FTO: variants seen among roughly 807,000 people sequenced by gnomAD.
The protein encoded by FTO is alpha-ketoglutarate-dependent dioxygenase FTO.
FTO carries 47 observed loss-of-function variants against 63.9 expected under a neutral mutation model. That is an observed-to-expected ratio of 0.74 (90% CI 0.58 to 0.94). FTO has a LOEUF of 0.94. FTO is among the 40% of genes least tolerant of loss of function. The probability of loss-of-function intolerance (pLI) is 0.00; values close to 1 mark genes in which losing one functional copy is unlikely to be tolerated. For synonymous variants in FTO, 207 were observed against 224.4 expected, an observed-to-expected ratio of 0.92 and a Z score of 0.69; for missense variants, 562 against 618.1, an observed-to-expected ratio of 0.91 and a Z score of 0.96.
intron 1 of FTO, among the ~76,000 whole-genome samples, chr16:53,734,140 T>G (rs2076334921): frequency 6.6e-6 from 1 of 152,280 alleles, no homozygotes; most frequent in African/African-American, 2.4e-5. Flanking sequence ...GGAAATTCTC[T>G]GCCAGACCTT....
At chr16:53,723,497 C>T (rs992598756) in intron 1 of FTO, among the ~76,000 whole-genome samples, 2 of 152,166 alleles carry the variant, frequency 1.3e-5, no homozygotes, top group Non-Finnish European at 2.9e-5. Context: ...TGGGTCAGCT[C>T]ATACTTCTAA....
chr16:53,861,140 TA>T (rs751437240), intron 4 of FTO, among the ~76,000 whole-genome samples: 5 of 152,208 alleles, frequency 3.3e-5, no homozygotes, highest in Non-Finnish European at 7.4e-5. Flanking sequence ...AACATCTTTG[TA>T]CATATATCTT....
chr16:54,050,379 T>C (rs2085284163), intron 8 of FTO, among the ~76,000 whole-genome samples: 1 of 152,200 alleles, frequency 6.6e-6, no homozygotes, highest in Non-Finnish European at 1.5e-5. Flanking sequence ...GAGATCAGCT[T>C]CTTTGAAAAA....
intron 1 of FTO, among the ~76,000 whole-genome samples, chr16:53,790,638 T>C (rs1318588303): frequency 6.9e-6 from 1 of 144,642 alleles, no homozygotes; most frequent in Non-Finnish European, 1.5e-5. Flanking sequence ...AAGAAAAATA[T>C]TGACTTTGAT....
intron 8 of FTO, among the ~76,000 whole-genome samples, chr16:54,081,055 C>T (rs918693052): frequency 1.3e-5 from 2 of 152,110 alleles, no homozygotes; most frequent in East Asian, 3.9e-4. Context: ...TGCTTTATGC[C>T]TAAAAAGGAG....
At chr16:53,807,088 A>G (rs1386760825) in intron 1 of FTO, among the ~76,000 whole-genome samples, 2 of 152,256 alleles carry the variant, frequency 1.3e-5, no homozygotes, top group South Asian at 2.1e-4. Flanking sequence ...CGATGTAAGC[A>G]TGACCAAAAC....
chr16:54,077,692 C>G (rs1457918436), intron 8 of FTO, among the ~76,000 whole-genome samples: 1 of 152,062 alleles, frequency 6.6e-6, no homozygotes, highest in Non-Finnish European at 1.5e-5. Context: ...GAGAAATCAT[C>G]AAATGCAGAG....
chr16:53,777,320 A>G (rs1410316036), intron 1 of FTO, among the ~76,000 whole-genome samples: 1 of 152,096 alleles, frequency 6.6e-6, no homozygotes, highest in Non-Finnish European at 1.5e-5. Flanking sequence ...GGCTTATTTC[A>G]CTTAGCATAA....
At chr16:54,012,320 A>G (rs530242946) in intron 8 of FTO, among the ~76,000 whole-genome samples, 161 of 152,328 alleles carry the variant, frequency 1.1e-3, no homozygotes, top group Middle Eastern at 3.4e-3. Context: ...CTTCAATTCT[A>G]TGAAGGCTGA....
intron 8 of FTO, among the ~76,000 whole-genome samples, chr16:54,011,934 C>T (rs993097010): frequency 2.0e-5 from 3 of 152,112 alleles, no homozygotes; most frequent in African/African-American, 7.2e-5. Flanking sequence ...TTCCCTATTC[C>T]TTGAGACACA....
intron 1 of FTO, among the ~76,000 whole-genome samples, chr16:53,796,585 A>C (rs530835138): frequency 6.6e-6 from 1 of 152,346 alleles, no homozygotes; most frequent in East Asian, 1.9e-4. Flanking sequence ...AATATGATAC[A>C]TTTGAGAACT....
intron 8 of FTO, among the ~76,000 whole-genome samples, chr16:53,982,478 G>GTGAAACA (rs1257644036): frequency 1.3e-5 from 2 of 152,188 alleles, no homozygotes; most frequent in Admixed American, 6.5e-5. Flanking sequence ...AGGGGTTTCA[G>GTGAAACA]TGAAACAGCT....
At chr16:53,709,694 A>G (rs1440225992) in intron 1 of FTO, among the ~76,000 whole-genome samples, 5 of 152,206 alleles carry the variant, frequency 3.3e-5, no homozygotes, top group Non-Finnish European at 7.3e-5. Context: ...TAGAGCTCTC[A>G]TAGACCTGTT....
chr16:53,836,720 C>T (rs1368959065), intron 3 of FTO, among the ~76,000 whole-genome samples: 1 of 152,220 alleles, frequency 6.6e-6, no homozygotes, highest in East Asian at 1.9e-4. Context: ...TTCAAGTGGA[C>T]CTTGTTCCAA....
At chr16:53,737,680 T>C (rs2076421044) in intron 1 of FTO, among the ~76,000 whole-genome samples, 1 of 152,130 alleles carries the variant, frequency 6.6e-6, no homozygotes, top group Admixed American at 6.5e-5. Context: ...ATATGAGCCA[T>C]CACTTATTTT....
At chr16:53,760,449 T>G (rs535950762) in intron 1 of FTO, among the ~76,000 whole-genome samples, 1 of 151,822 alleles carries the variant, frequency 6.6e-6, no homozygotes, top group East Asian at 1.9e-4. Flanking sequence ...TTTTGCCATG[T>G]TGCCCAGGTT....
chr16:54,010,673 A>G (rs1449550191), intron 8 of FTO, among the ~76,000 whole-genome samples: 1 of 152,166 alleles, frequency 6.6e-6, no homozygotes, highest in Non-Finnish European at 1.5e-5. Flanking sequence ...ATTTAGGACA[A>G]TGAGAGTCAC....
chr16:53,959,594 T>C (rs1243594995), intron 8 of FTO, among the ~76,000 whole-genome samples: 1 of 152,144 alleles, frequency 6.6e-6, no homozygotes, highest in Admixed American at 6.6e-5. Flanking sequence ...CATGTAACCA[T>C]TATAACTGTT....
chr16:54,084,202 C>T (rs1263971918), intron 8 of FTO, among the ~76,000 whole-genome samples: 3 of 152,282 alleles, frequency 2.0e-5, no homozygotes, highest in East Asian at 3.9e-4. Context: ...TTATTTAACC[C>T]TTCTGAGCTT....
Sources: allele counts gnomAD v4.1 joint callset (sites outside exome capture counted in the v4.1 genomes callset), GRCh38; gene constraint gnomAD v4.1.1; transcripts MANE v1.5; gene names NCBI Gene and HGNC (gene_info 2026-07-23, HGNC 2026-07-21).